Variants in LRRC4C observed in about 807,000 individuals in gnomAD.
LRRC4C encodes the protein leucine rich repeat containing 4C, also known as leucine-rich repeat-containing protein 4C.
LRRC4C carries 5 observed loss-of-function variants against 33.6 expected under a neutral mutation model. The observed-to-expected ratio is 0.15, with a 90% CI of 0.08 to 0.31. The LOEUF is 0.31. LRRC4C is among the 10% of genes least tolerant of loss of function. The pLI is 1.00. For synonymous variants in LRRC4C, 329 were observed against 302.0 expected, an observed-to-expected ratio of 1.09 and a Z score of -0.93; for missense variants, 560 against 796.7, an observed-to-expected ratio of 0.70 and a Z score of 3.58.
chr11:40,533,941 G>T (rs920979728), intron 3 of LRRC4C, among the ~76,000 whole-genome samples: 12 of 152,152 alleles, frequency 7.9e-5, no homozygotes, highest in African/African-American at 2.7e-4. Context: ...CATCAAGTAA[G>T]TGTGTGCATA....
chr11:40,920,711 G>A (rs1957136773), intron 2 of LRRC4C, among the ~76,000 whole-genome samples: 1 of 152,010 alleles, frequency 6.6e-6, no homozygotes, highest in African/African-American at 2.4e-5. Context: ...ATATCACAAT[G>A]AGATCTTTGT....
chr11:41,208,504 C>T (rs1946690081), intron 1 of LRRC4C, among the ~76,000 whole-genome samples: 1 of 152,110 alleles, frequency 6.6e-6, no homozygotes, highest in Non-Finnish European at 1.5e-5. Flanking sequence ...AAAGGATTAC[C>T]CACAGAATTT....
intron 4 of LRRC4C, among the ~76,000 whole-genome samples, chr11:40,303,804 TGA>T (rs752033817): frequency 6.6e-6 from 1 of 152,234 alleles, no homozygotes; most frequent in Non-Finnish European, 1.5e-5. Context: ...TTATAGCCTT[TGA>T]GAGACCTTTG....
intron 1 of LRRC4C, among the ~76,000 whole-genome samples, chr11:41,239,615 A>G (rs963878776): frequency 2.6e-5 from 4 of 152,040 alleles, no homozygotes; most frequent in Admixed American, 6.6e-5. Context: ...TGGTCACCCT[A>G]TTTAAAATTG....
chr11:40,370,501 T>A (rs1283281303), intron 3 of LRRC4C, among the ~76,000 whole-genome samples: 1 of 152,090 alleles, frequency 6.6e-6, no homozygotes, highest in African/African-American at 2.4e-5. Context: ...ACAACAAAAA[T>A]TTCTTTACTT....
intron 1 of LRRC4C, among the ~76,000 whole-genome samples, chr11:41,020,965 T>C (rs1855921520): frequency 6.6e-6 from 1 of 152,182 alleles, no homozygotes; most frequent in African/African-American, 2.4e-5. Context: ...TTTTATCAGA[T>C]AAGAATTCCT....
intron 5 of LRRC4C, among the ~76,000 whole-genome samples, chr11:40,176,539 CTTT>C (rs529167473): frequency 5.8e-5 from 8 of 138,876 alleles, no homozygotes; most frequent in Admixed American, 1.5e-4. Flanking sequence ...TTTTTCCACT[CTTT>C]TTTTTTTTTT....
intron 1 of LRRC4C, among the ~76,000 whole-genome samples, chr11:41,181,300 C>A: frequency 6.6e-6 from 1 of 152,028 alleles, no homozygotes; most frequent in South Asian, 2.1e-4. Flanking sequence ...TTATAAACAC[C>A]GAATCTGGAG....
chr11:40,590,379 C>T (rs1041476962), intron 3 of LRRC4C, among the ~76,000 whole-genome samples: 1 of 145,104 alleles, frequency 6.9e-6, no homozygotes, highest in African/African-American at 2.5e-5. Flanking sequence ...ATACATTCTT[C>T]TAAATTTTTT....
intron 3 of LRRC4C, among the ~76,000 whole-genome samples, chr11:40,490,340 T>C (rs1954083939): frequency 6.6e-6 from 1 of 152,134 alleles, no homozygotes; most frequent in South Asian, 2.1e-4. Context: ...CATCACCTTA[T>C]ATTAGTGGAC....
intron 1 of LRRC4C, among the ~76,000 whole-genome samples, chr11:41,246,467 G>A (rs1451440610): frequency 6.6e-6 from 1 of 152,176 alleles, no homozygotes; most frequent in Non-Finnish European, 1.5e-5. Context: ...GTGCAGAGAT[G>A]CCCCATCCGC....
At chr11:40,864,306 T>C (rs1392335682) in intron 2 of LRRC4C, among the ~76,000 whole-genome samples, 1 of 152,054 alleles carries the variant, frequency 6.6e-6, no homozygotes, top group Non-Finnish European at 1.5e-5. Flanking sequence ...TGACCACAGG[T>C]GATTCACCTG....
At chr11:40,310,500 A>G (rs1470831838) in intron 4 of LRRC4C, among the ~76,000 whole-genome samples, 2 of 152,128 alleles carry the variant, frequency 1.3e-5, no homozygotes, top group Admixed American at 1.3e-4. Flanking sequence ...GAAAAATCAG[A>G]ACTCTCTATA....
intron 1 of LRRC4C, among the ~76,000 whole-genome samples, chr11:41,179,496 A>G (rs1464385826): frequency 6.6e-6 from 1 of 152,188 alleles, no homozygotes; most frequent in African/African-American, 2.4e-5. Context: ...CTTCTCATTA[A>G]CTATCTAATT....
At chr11:40,137,757 T>A (rs1857080563) in intron 6 of LRRC4C, among the ~76,000 whole-genome samples, 1 of 152,188 alleles carries the variant, frequency 6.6e-6, no homozygotes, top group Non-Finnish European at 1.5e-5. Context: ...ACCTATAAAA[T>A]GTGTGTGGTA....
At chr11:40,620,114 C>T (rs1962307635) in intron 3 of LRRC4C, among the ~76,000 whole-genome samples, 1 of 148,496 alleles carries the variant, frequency 6.7e-6, no homozygotes, top group Non-Finnish European at 1.5e-5. Flanking sequence ...TTTTGTTTTG[C>T]AGTGTGGTCT....
intron 5 of LRRC4C, among the ~76,000 whole-genome samples, chr11:40,201,846 G>A (rs2135733976): frequency 6.6e-6 from 1 of 152,144 alleles, no homozygotes; most frequent in East Asian, 1.9e-4. Context: ...GAAAATGAAG[G>A]AAGAAGTTTC....
chr11:41,182,420 T>G (rs1047703089), intron 1 of LRRC4C, among the ~76,000 whole-genome samples: 1 of 152,196 alleles, frequency 6.6e-6, no homozygotes, highest in Non-Finnish European at 1.5e-5. Context: ...TACTATGGAT[T>G]GAAGAGAAAA....
chr11:41,024,332 T>C (rs1856193536), intron 1 of LRRC4C, among the ~76,000 whole-genome samples: 1 of 151,760 alleles, frequency 6.6e-6, no homozygotes, highest in African/African-American at 2.4e-5. Context: ...GATAAAAGCA[T>C]GCTCATTTTT....
Sources: gnomAD v4.1 joint callset for allele counts (sites outside exome capture counted in the v4.1 genomes callset) on GRCh38, gnomAD v4.1.1 for gene constraint, MANE v1.5 for transcripts, NCBI Gene and HGNC (gene_info 2026-07-23, HGNC 2026-07-21) for gene names.